Variants in SLC35F1 observed in about 807,000 individuals in gnomAD.
SLC35F1 encodes chromosome 6 open reading frame 169.
SLC35F1 carries 14 observed loss-of-function variants against 48.7 expected under a neutral mutation model. The observed-to-expected ratio is 0.29, with a 90% CI of 0.19 to 0.45. The LOEUF (loss-of-function observed/expected upper bound fraction) is 0.45. Ranked by LOEUF, SLC35F1 falls within the 20% of genes least tolerant of loss-of-function variation. The probability of loss-of-function intolerance (pLI) is 1.00; values close to 1 mark genes in which losing one functional copy is unlikely to be tolerated. For synonymous variants in SLC35F1, 190 were observed against 202.2 expected, an observed-to-expected ratio of 0.94 and a Z score of 0.51; for missense variants, 404 against 500.0, an observed-to-expected ratio of 0.81 and a Z score of 1.83.
rs551629998 is a variant in SLC35F1 at position 117,996,563 on chromosome 6, G to A, written c.173+88664G>A. On this transcript the variant is annotated intron_variant, in intron 1 of 7. Coordinates refer to ENST00000360388, the MANE Select transcript of SLC35F1 (RefSeq NM_001029858.4). ...GGGCAGACTGACACCTCACACGGCC[G>A]GGTACTCCTCTGAGACAAAACTTCC... Among the ~76,000 whole-genome samples the A allele has an allele frequency of 9.8e-3, 1,494 of 152,258 alleles. 21 individuals are homozygous for A. Among genetic ancestry groups the A allele is most frequent in the African/African-American group, 0.034 (1,411 of 41,524 alleles).
At chr6:118,035,616 CA>C (rs772243116) in intron 1 of SLC35F1, among the ~76,000 whole-genome samples, 9 of 95,894 alleles carry the variant, frequency 9.4e-5, no homozygotes, top group Admixed American at 1.2e-4. Flanking sequence ...CTCCGTCTCA[CA>C]AAAAAAAAAC....
At chr6:118,237,970 A>C (rs1251155165) in intron 3 of SLC35F1, among the ~76,000 whole-genome samples, 1 of 152,196 alleles carries the variant, frequency 6.6e-6, no homozygotes, top group African/African-American at 2.4e-5. Flanking sequence ...AACATTCATT[A>C]TTCAGTGCAA....
At chr6:118,072,676 C>A (rs370175437) in intron 1 of SLC35F1, among the ~76,000 whole-genome samples, 3 of 151,880 alleles carry the variant, frequency 2.0e-5, no homozygotes, top group East Asian at 3.9e-4. Context: ...TGGAGGCTTC[C>A]TTTGGTTGTC....
chr6:118,109,111 A>G (rs1773363159), intron 1 of SLC35F1, among the ~76,000 whole-genome samples: 1 of 152,198 alleles, frequency 6.6e-6, no homozygotes, highest in Non-Finnish European at 1.5e-5. Flanking sequence ...ATAGTAGAGG[A>G]AAGATGAAAT....
chr6:118,048,431 T>G (rs1402806035), intron 1 of SLC35F1, among the ~76,000 whole-genome samples: 1 of 152,174 alleles, frequency 6.6e-6, no homozygotes, highest in Non-Finnish European at 1.5e-5. Context: ...TTGTCCCTGT[T>G]TGCAGATGAC....
At position 118,088,501 on chromosome 6, in the gene SLC35F1, A is replaced by G. The variant is rs1339770671; in HGVS notation, c.174-65944A>G. Among the ~76,000 whole-genome samples, 3 of 152,204 alleles carry G rather than the reference A, an allele frequency of 2.0e-5. No individual in the cohort carries two copies. In the East Asian group the frequency reaches 5.8e-4, roughly 29 times the overall value. ...CAGCTTTCCTTTTAGGGTATCTCTCAGCCTTTTTCCTCCTTTTACCTCATC... is the reference window on the plus strand; with the variant it reads ...CAGCTTTCCTTTTAGGGTATCTCTCGGCCTTTTTCCTCCTTTTACCTCATC... On this transcript the variant is annotated intron_variant, in intron 1 of 7. Coordinates refer to ENST00000360388, the MANE Select transcript of SLC35F1 (RefSeq NM_001029858.4).
intron 1 of SLC35F1, among the ~76,000 whole-genome samples, chr6:117,976,131 T>C (rs1288964888): frequency 1.3e-5 from 2 of 152,222 alleles, no homozygotes; most frequent in Non-Finnish European, 2.9e-5. Context: ...TGTGATCTTC[T>C]TTGTCTAGTG....
chr6:117,916,349 C>T (rs116919131), intron 1 of SLC35F1, among the ~76,000 whole-genome samples: 14 of 151,874 alleles, frequency 9.2e-5, no homozygotes, highest in South Asian at 4.2e-4. Context: ...TGTTAAAAAA[C>T]GGGTATTTTA....
intron 2 of SLC35F1, among the ~76,000 whole-genome samples, chr6:118,195,302 TA>T (rs887757035): frequency 6.6e-6 from 1 of 152,212 alleles, no homozygotes; most frequent in African/African-American, 2.4e-5. Context: ...CCCTCATTTT[TA>T]AATACACTTC....
chr6:117,994,834 T>C (rs1353272105), intron 1 of SLC35F1, among the ~76,000 whole-genome samples: 27 of 152,218 alleles, frequency 1.8e-4, no homozygotes, highest in Non-Finnish European at 2.9e-5. Flanking sequence ...ATATATCTTA[T>C]TGAATCATTT....
At chr6:117,968,139 T>A (rs946663432) in intron 1 of SLC35F1, among the ~76,000 whole-genome samples, 1 of 152,202 alleles carries the variant, frequency 6.6e-6, no homozygotes, top group African/African-American at 2.4e-5. Context: ...AGAAATGCAT[T>A]CGTGTTCAGA....
At chr6:117,914,874 A>T (rs1363310941) in intron 1 of SLC35F1, among the ~76,000 whole-genome samples, 2 of 152,066 alleles carry the variant, frequency 1.3e-5, no homozygotes, top group Non-Finnish European at 2.9e-5. Flanking sequence ...GATGAATACC[A>T]TTGAGTTTGT....
chr6:118,079,431 T>C (rs1772872983), intron 1 of SLC35F1, among the ~76,000 whole-genome samples: 1 of 152,224 alleles, frequency 6.6e-6, no homozygotes, highest in Non-Finnish European at 1.5e-5. Context: ...TACTTTCATA[T>C]TTTTGGCTCT....
chr6:117,959,148 A>T (rs1776463879), intron 1 of SLC35F1, among the ~76,000 whole-genome samples: 1 of 152,164 alleles, frequency 6.6e-6, no homozygotes, highest in Non-Finnish European at 1.5e-5. Context: ...CTGTTATGAG[A>T]TCTATCAAGC....
intron 1 of SLC35F1, among the ~76,000 whole-genome samples, chr6:118,100,677 GGGCAGCTCACGT>G (rs1773243630): frequency 1.3e-5 from 2 of 152,106 alleles, no homozygotes; most frequent in South Asian, 4.2e-4. Flanking sequence ...TCATCAACCA[GGGCAGCTCACGT>G]GAGCCTCAGT....
intron 1 of SLC35F1, among the ~76,000 whole-genome samples, chr6:118,042,532 G>C (rs7741322): frequency 0.017 from 2,617 of 152,234 alleles, 76 homozygotes; most frequent in African/African-American, 0.059. Context: ...GATCCAAGAT[G>C]AACGTCAGAA....
chr6:117,933,846 A>T (rs1028952621), intron 1 of SLC35F1, among the ~76,000 whole-genome samples: 19 of 151,902 alleles, frequency 1.3e-4, no homozygotes, highest in Non-Finnish European at 2.2e-4. Flanking sequence ...ACTTTCTAGG[A>T]CCCTGCGTGA....
rs1776446393 is a variant in SLC35F1 at position 118,317,028 on chromosome 6, C to T, written c.*2776C>T. 1 of 152,592 alleles carries T rather than the reference C, an allele frequency of 6.6e-6. No individual in the cohort carries two copies. The highest frequency in any genetic ancestry group is 6.5e-5 in the Admixed American group (1 of 15,276). The allele number at this position is 152,592 out of a possible 1,614,324, so 9.5% of individuals were successfully genotyped here. A position where few individuals can be genotyped will look rare whatever the true frequency, so the allele number is the denominator to read the frequency against. ...ACATTAACTTTAGCTGTTTTAGTTTCTGAGATTTCATAACCTCAGTAGACA... is the reference window on the plus strand; with the variant it reads ...ACATTAACTTTAGCTGTTTTAGTTTTTGAGATTTCATAACCTCAGTAGACA... On this transcript the variant is annotated 3_prime_UTR_variant, in exon 8 of 8. Transcript: ENST00000360388.
At chr6:118,137,833 G>A (rs1282547272) in intron 1 of SLC35F1, among the ~76,000 whole-genome samples, 2 of 152,114 alleles carry the variant, frequency 1.3e-5, no homozygotes, top group East Asian at 3.9e-4. Flanking sequence ...CCATAGTCTT[G>A]GGGAATCTTC....
Sources: gnomAD v4.1 joint callset for allele counts (sites outside exome capture counted in the v4.1 genomes callset) on GRCh38, gnomAD v4.1.1 for gene constraint, MANE v1.5 for transcripts, NCBI Gene and HGNC (gene_info 2026-07-23, HGNC 2026-07-21) for gene names.